Variants in TRAF3 observed in about 807,000 individuals in gnomAD.
TRAF3 encodes the protein TNF receptor associated factor 3, also known as TNF receptor-associated factor 3.
In TRAF3, 13 loss-of-function variants were observed where a neutral mutation model predicts 62.3. The observed-to-expected ratio is 0.21, with a 90% confidence interval of 0.14 to 0.33. The LOEUF (loss-of-function observed/expected upper bound fraction) is 0.33, where lower values mean the gene tolerates loss of function less well. TRAF3 is among the 10% of genes least tolerant of loss of function. TRAF3 has a pLI of 1.00. For synonymous variants in TRAF3, 269 were observed against 283.4 expected (o/e 0.95, Z 0.51); for missense variants, 440 against 741.8 (o/e 0.59, Z 4.73).
chr14:102,869,122 G>A (rs141863269), intron 2 of TRAF3, among the ~76,000 whole-genome samples: 3 of 152,190 alleles, frequency 2.0e-5, no homozygotes, highest in Non-Finnish European at 4.4e-5. Flanking sequence ...TCCCTCACAC[G>A]CTCCTCACCA....
At chr14:102,834,572 A>T (rs1470727029) in intron 2 of TRAF3, among the ~76,000 whole-genome samples, 1 of 151,518 alleles carries the variant, frequency 6.6e-6, no homozygotes, top group Non-Finnish European at 1.5e-5. Flanking sequence ...CTGTAGTCCC[A>T]GCTACTCGGA....
chr14:102,829,062 C>T (rs529225102), intron 1 of TRAF3, among the ~76,000 whole-genome samples: 1 of 152,298 alleles, frequency 6.6e-6, no homozygotes, highest in Non-Finnish European at 1.5e-5. Context: ...GGTGCTACCT[C>T]CAGCTGCTGC....
chr14:102,853,392 C>A (rs1018859026), intron 2 of TRAF3, among the ~76,000 whole-genome samples: 10 of 152,168 alleles, frequency 6.6e-5, no homozygotes, highest in Non-Finnish European at 8.8e-5. Flanking sequence ...CCAGGCTGTG[C>A]GGGATTCAGG....
chr14:102,898,337 C>G (rs1366500148), intron 10 of TRAF3, among the ~76,000 whole-genome samples: 1 of 152,212 alleles, frequency 6.6e-6, no homozygotes, highest in Non-Finnish European at 1.5e-5. Context: ...AGAAAAGGCA[C>G]AAGTCATTAG....
intron 1 of TRAF3, among the ~76,000 whole-genome samples, chr14:102,796,855 CAA>C (rs1424310794): frequency 6.6e-6 from 1 of 152,162 alleles, no homozygotes; most frequent in African/African-American, 2.4e-5. Flanking sequence ...TTTTGAATTC[CAA>C]AAGTGTGTTG....
chr14:102,880,732 G>A (rs1889002844), intron 6 of TRAF3, among the ~76,000 whole-genome samples: 1 of 152,206 alleles, frequency 6.6e-6, no homozygotes, highest in South Asian at 2.1e-4. Flanking sequence ...TGATAGACTG[G>A]ATAAAGAAAA....
At chr14:102,886,924 A>G (rs1212806652) in intron 7 of TRAF3, among the ~76,000 whole-genome samples, 4 of 152,180 alleles carry the variant, frequency 2.6e-5, no homozygotes, top group Non-Finnish European at 5.9e-5. Flanking sequence ...TCTCAAGAAC[A>G]TGAATTAACT....
chr14:102,781,079 C>T (rs1458499942), intron 1 of TRAF3, among the ~76,000 whole-genome samples: 1 of 152,082 alleles, frequency 6.6e-6, no homozygotes, highest in African/African-American at 2.4e-5. Context: ...GGGAATCCAC[C>T]ATAAGGGAAA....
chr14:102,901,433 C>T (rs1239712342), intron 10 of TRAF3, among the ~76,000 whole-genome samples: 1 of 152,214 alleles, frequency 6.6e-6, no homozygotes, highest in African/African-American at 2.4e-5. Context: ...GCGAGCACCC[C>T]TGCCAGCTCA....
chr14:102,814,253 A>G (rs532562812), intron 1 of TRAF3, among the ~76,000 whole-genome samples: 4 of 152,176 alleles, frequency 2.6e-5, no homozygotes, highest in Admixed American at 6.5e-5. Context: ...TGGGTTTTCT[A>G]TTCTTTTCCA....
intron 2 of TRAF3, among the ~76,000 whole-genome samples, chr14:102,858,165 T>TC (rs1887482018): frequency 6.6e-6 from 1 of 152,116 alleles, no homozygotes; most frequent in South Asian, 2.1e-4. Context: ...TTTTTTTTTT[T>TC]TTTCTTGAGA....
intron 6 of TRAF3, among the ~76,000 whole-genome samples, chr14:102,885,516 A>C (rs1889327687): frequency 6.6e-6 from 1 of 152,186 alleles, no homozygotes; most frequent in Non-Finnish European, 1.5e-5. Flanking sequence ...ATGGACAGGC[A>C]CCCAGCAGGT....
In TRAF3 at chr14:102,907,797, C is replaced by T. The variant is rs1566815211; in HGVS notation, c.*2013C>T. The T allele has an allele frequency of 6.6e-6, 1 of 152,390 alleles. No homozygotes were observed. Among genetic ancestry groups the T allele is most frequent in the African/African-American group, 2.4e-5 (1 of 41,474 alleles). The allele number at this position is 152,390 out of a possible 1,614,324, so 9.4% of individuals were successfully genotyped here. A position where few individuals can be genotyped will look rare whatever the true frequency, so the allele number is the denominator to read the frequency against. On this transcript the variant is annotated 3_prime_UTR_variant, in exon 12 of 12. Coordinates refer to ENST00000392745, the MANE Select transcript of TRAF3 (RefSeq NM_145725.3). The stretch of plus-strand genomic sequence containing the variant: ...CCGCCGCGCCCTTTCGCGGTCGAAG[C>T]GTTCCGTTGTTCTTATCTGCCTTTC...
chr14:102,831,173 C>T (rs1900657948), intron 2 of TRAF3, among the ~76,000 whole-genome samples: 1 of 152,164 alleles, frequency 6.6e-6, no homozygotes, highest in South Asian at 2.1e-4. Context: ...TGTGGCCTCC[C>T]TCACCCAGCA....
At chr14:102,809,058 C>T (rs1898952725) in intron 1 of TRAF3, 1 of 152,248 alleles carries the variant, frequency 6.6e-6, no homozygotes, top group Non-Finnish European at 1.5e-5. Flanking sequence ...GCGATCCCTG[C>T]TTACTGCAGC....
chr14:102,869,149 C>T (rs779611903), intron 2 of TRAF3, among the ~76,000 whole-genome samples: 2 of 152,348 alleles, frequency 1.3e-5, no homozygotes, highest in Middle Eastern at 3.4e-3. Flanking sequence ...CATGGTGTGA[C>T]GTGCTCTGTG....
In TRAF3 at chr14:102,826,588, G is replaced by C. The variant is rs1418724529; in HGVS notation, c.-156-3746G>C. Among the ~76,000 whole-genome samples the C allele has an allele frequency of 6.6e-6, 1 of 152,118 alleles. No individual in the cohort carries two copies. The highest frequency in any genetic ancestry group is 2.4e-5 in the African/African-American group (1 of 41,426). On this transcript the variant is annotated intron_variant, in intron 1 of 11. Transcript: ENST00000392745. This position sits in a 1 kb window ranked among gnomAD's most constrained non-coding sequence, Gnocchi z 4.6. ...GGTAGCCAGAGACAAGGCAAAGAAG[G>C]GCCATTTTCATCAGAGAACAGCATA... is the stretch of plus-strand genomic sequence containing the variant.
At chr14:102,890,626 GCTT>G (rs1889655515) in intron 8 of TRAF3, among the ~76,000 whole-genome samples, 1 of 151,966 alleles carries the variant, frequency 6.6e-6, no homozygotes, top group African/African-American at 2.4e-5. Context: ...GCTTTCTGTG[GCTT>G]CTTAATTTTC....
intron 10 of TRAF3, among the ~76,000 whole-genome samples, chr14:102,901,767 G>A (rs565560149): frequency 4.0e-4 from 61 of 152,378 alleles, no homozygotes; most frequent in Admixed American, 1.3e-3. Flanking sequence ...GACCTGTCAT[G>A]TTTGTGTCTT....
Sources: gnomAD v4.1 joint callset for allele counts (sites outside exome capture counted in the v4.1 genomes callset) on GRCh38, gnomAD v4.1.1 for gene constraint, Gnocchi (gnomAD v3.1) non-coding constraint, MANE v1.5 for transcripts, NCBI Gene and HGNC (gene_info 2026-07-23, HGNC 2026-07-21) for gene names.